The following ITGA1 variants were observed in gnomAD, a reference collection of about 807,000 sequenced individuals.
ITGA1 encodes integrin alpha-1.
In ITGA1, 85 loss-of-function variants were observed where a neutral mutation model predicts 145.9. That is an observed-to-expected ratio of 0.58 (90% CI 0.49 to 0.70). ITGA1 has a LOEUF of 0.70. Ranked by LOEUF, ITGA1 falls within the 30% of genes least tolerant of loss-of-function variation. The probability of loss-of-function intolerance (pLI) is 0.00; values close to 1 mark genes in which losing one functional copy is unlikely to be tolerated. For missense variants in ITGA1, 1,351 were observed against 1,418.7 expected (o/e 0.95, Z 0.77); for synonymous variants, 520 against 495.3 (o/e 1.05, Z -0.66).
At chr5:52,885,017 G>A (rs1462515322) in intron 7 of ITGA1, among the ~76,000 whole-genome samples, 1 of 152,162 alleles carries the variant, frequency 6.6e-6, no homozygotes, top group East Asian at 1.9e-4. Context: ...ATATGCTAGA[G>A]TGGATCACAG....
chr5:52,879,779 AG>A lies in ITGA1; in HGVS notation c.625-2092del, dbSNP rs76875538. On this transcript the variant is annotated intron_variant, in intron 6 of 28. Transcript: ENST00000282588. ...GTAGCTCTCTCAGAATAGGTGGTAAAGGATATTGGGTGAAAGATAAACTCAC... is the reference window on the plus strand; with the variant it reads ...GTAGCTCTCTCAGAATAGGTGGTAAAGATATTGGGTGAAAGATAAACTCAC... Among the ~76,000 whole-genome samples, 551 of 152,206 alleles carry A rather than the reference AG, an allele frequency of 3.6e-3. 25 individuals are homozygous for A. In the East Asian group the frequency reaches 0.092, roughly 26 times the overall value.
At chr5:52,865,475 A>T (rs149333470) in intron 5 of ITGA1, among the ~76,000 whole-genome samples, 153 of 152,372 alleles carry the variant, frequency 1.0e-3, no homozygotes, top group African/African-American at 3.6e-3. Context: ...TTCAGTAGGT[A>T]TGAATTTTAT....
chr5:52,788,210 C>A lies in ITGA1; in HGVS notation c.-144C>A. The A allele has an allele frequency of 1.9e-6, 1 of 536,366 alleles. No homozygotes were observed. Among genetic ancestry groups the A allele is most frequent in the South Asian group, 2.7e-5 (1 of 37,048 alleles). 33.2% of individuals were successfully genotyped at this position (536,366 alleles called of 1,614,324 possible). On this transcript the variant is annotated 5_prime_UTR_variant, in exon 1 of 29. Transcript: ENST00000282588. ...GAAAACACAGGAAATCACTCCTCTC[C>A]CGCTCCTGGGCGCCGCTGCCACTGG...
chr5:52,803,057 T>C (rs1231213825), intron 1 of ITGA1: 1 of 152,244 alleles, frequency 6.6e-6, no homozygotes, highest in Non-Finnish European at 1.5e-5. Context: ...CTAATAGTGA[T>C]GATACAGTTT....
At chr5:52,906,582 A>G (rs1056789957) in intron 12 of ITGA1, among the ~76,000 whole-genome samples, 1 of 152,214 alleles carries the variant, frequency 6.6e-6, no homozygotes, top group Non-Finnish European at 1.5e-5. Context: ...TAACTGAAAG[A>G]AAGATCTAAC....
intron 12 of ITGA1, 59 bp downstream of exon 12, chr5:52,905,967 A>G (rs960345960): frequency 6.8e-7 from 1 of 1,466,026 alleles, no homozygotes; most frequent in Admixed American, 1.8e-5. Context: ...ATGTATATTT[A>G]CTGTCTATTG....
chr5:52,810,277 G>T (rs2111683580), intron 1 of ITGA1, among the ~76,000 whole-genome samples: 1 of 152,212 alleles, frequency 6.6e-6, no homozygotes, highest in East Asian at 1.9e-4. Context: ...CAGGAATAAA[G>T]AAGTGACAAG....
chr5:52,873,759 A>T (rs536644615), intron 6 of ITGA1, among the ~76,000 whole-genome samples: 1 of 152,194 alleles, frequency 6.6e-6, no homozygotes, highest in Non-Finnish European at 1.5e-5. Context: ...TTTTCATATT[A>T]GGCAATTGTG....
At chr5:52,861,206 T>G (rs972099937) in intron 2 of ITGA1, among the ~76,000 whole-genome samples, 1 of 152,134 alleles carries the variant, frequency 6.6e-6, no homozygotes, top group African/African-American at 2.4e-5. Flanking sequence ...TATACACACA[T>G]GTATATGCTA....
chr5:52,900,943 C>G (rs935925560), intron 11 of ITGA1, among the ~76,000 whole-genome samples: 3 of 151,872 alleles, frequency 2.0e-5, no homozygotes, highest in African/African-American at 7.3e-5. Flanking sequence ...AATAAACATT[C>G]CTCTTATTAG....
At chr5:52,914,073 T>C (rs1750605670) in intron 14 of ITGA1, among the ~76,000 whole-genome samples, 1 of 152,244 alleles carries the variant, frequency 6.6e-6, no homozygotes, top group Admixed American at 6.5e-5. Context: ...AAAGGAAAGC[T>C]AAATCATTGT....
intron 26 of ITGA1, among the ~76,000 whole-genome samples, chr5:52,941,699 G>T (rs544523603): frequency 7.6e-4 from 116 of 152,242 alleles, no homozygotes; most frequent in African/African-American, 2.7e-3. Context: ...TGCATAGTTT[G>T]CAATTATTTT....
chr5:52,788,638 T>C (rs1168364646), intron 1 of ITGA1, among the ~76,000 whole-genome samples: 12 of 152,120 alleles, frequency 7.9e-5, no homozygotes, highest in Admixed American at 6.5e-4. Flanking sequence ...ACCCTAGGAG[T>C]AGGAGTGAGG....
chr5:52,864,752 T>C lies in ITGA1; in HGVS notation c.296-11T>C. ...CTTTTCCTCCCTCATAAAATTTTGT[T>C]CTATTTTTAGTTAATACATCAATTC... On this transcript the variant is annotated splice_polypyrimidine_tract_variant and intron_variant, in intron 3 of 28. Transcript: ENST00000282588. The C allele has an allele frequency of 6.4e-7, 1 of 1,568,666 alleles. No homozygotes were observed. The highest frequency in any genetic ancestry group is 1.1e-5 in the South Asian group (1 of 87,064).
chr5:52,896,510 T>A (rs1392814323), intron 9 of ITGA1, among the ~76,000 whole-genome samples: 1 of 152,222 alleles, frequency 6.6e-6, no homozygotes, highest in Non-Finnish European at 1.5e-5. Context: ...CTGATGTATT[T>A]GTTCACAATT....
At position 52,898,288 on chromosome 5, in the gene ITGA1, T is replaced by TTGTCA; in HGVS notation, c.1217_1221dup (p.Gln408SerfsTer9). On this transcript the variant is annotated frameshift_variant, in exon 11 of 29. Transcript: ENST00000282588. LOFTEE classifies it high-confidence loss of function. ...GGAGCCTATGATTGGAATGGAACAG[T>TTGTCA]TGTCATGCAGAAGGCTAGTCAAATC... The TTGTCA allele has an allele frequency of 6.2e-7, 1 of 1,611,970 alleles. No individual in the cohort carries two copies. Among genetic ancestry groups the TTGTCA allele is most frequent in the Non-Finnish European group, 8.5e-7 (1 of 1,178,766 alleles).
intron 1 of ITGA1, among the ~76,000 whole-genome samples, chr5:52,792,476 C>G (rs1001773547): frequency 2.0e-5 from 3 of 152,110 alleles, no homozygotes; most frequent in Non-Finnish European, 4.4e-5. Flanking sequence ...ATATGCTATA[C>G]TAGTTTAACT....
chr5:52,832,779 G>GTGTGTGTC (rs200257290), intron 1 of ITGA1, among the ~76,000 whole-genome samples: 27,087 of 132,078 alleles, frequency 0.21, 2,849 homozygotes, highest in South Asian at 0.32. Flanking sequence ...GTGTGTGTGT[G>GTGTGTGTC]TGTGTGTGTG....
chr5:52,800,690 A>C, intron 1 of ITGA1: 1 of 1,614,180 alleles, frequency 6.2e-7, no homozygotes, highest in Admixed American at 1.7e-5. Flanking sequence ...ATGGGGGCTT[A>C]CCACACCATC....
Sources: gnomAD v4.1 joint callset for allele counts (sites outside exome capture counted in the v4.1 genomes callset) on GRCh38, gnomAD v4.1.1 for gene constraint, MANE v1.5 for transcripts, NCBI Gene and HGNC (gene_info 2026-07-23, HGNC 2026-07-21) for gene names.